COL23A1: variants seen among roughly 807,000 people sequenced by gnomAD.
COL23A1 encodes collagen alpha-1(XXIII) chain.
A neutral mutation model predicts 99.3 loss-of-function variants in COL23A1; 97 were observed. That is an observed-to-expected ratio of 0.98 (90% CI 0.83 to 1.16). The LOEUF is 1.16. Among genes scored for constraint, COL23A1 ranks in the 50% most tolerant of loss-of-function variants. The pLI is 0.00. For synonymous variants in COL23A1, 320 were observed against 308.2 expected (o/e 1.04, Z -0.40); for missense variants, 762 against 757.4 (o/e 1.01, Z -0.07).
intron 2 of COL23A1, among the ~76,000 whole-genome samples, chr5:178,475,171 C>T (rs769234095): frequency 6.6e-6 from 1 of 152,182 alleles, no homozygotes; most frequent in Non-Finnish European, 1.5e-5. Flanking sequence ...ACCTTGATTA[C>T]CTCTGCAAAG....
intron 2 of COL23A1, among the ~76,000 whole-genome samples, chr5:178,488,943 C>T (rs182754324): frequency 1.1e-4 from 16 of 152,362 alleles, no homozygotes; most frequent in South Asian, 4.1e-4. Flanking sequence ...AGCTCTCCAA[C>T]GGGTGCTTCA....
chr5:178,458,946 C>T (rs1357174662), intron 2 of COL23A1, among the ~76,000 whole-genome samples: 1 of 152,184 alleles, frequency 6.6e-6, no homozygotes, highest in African/African-American at 2.4e-5. Context: ...AATGACACCA[C>T]AGGAAGACAA....
At chr5:178,251,379 G>A (rs1765023351) in intron 17 of COL23A1, among the ~76,000 whole-genome samples, 1 of 151,858 alleles carries the variant, frequency 6.6e-6, no homozygotes, top group Admixed American at 6.6e-5. Flanking sequence ...CATTAAATAT[G>A]AAAAAAACTA....
chr5:178,242,122 G>A lies in COL23A1; in HGVS notation c.1501C>T (p.Arg501Ter), dbSNP rs748315009. 9.7e-6 allele frequency: 15 copies of A among 1,552,452 alleles called. No individual in the cohort carries two copies. The highest frequency in any genetic ancestry group is 3.6e-5 in the South Asian group (3 of 84,196). ...DRSERGEKGE[R>*]GVPGRKGVKG... ...ACTCCTTTCCGGCCGGGGACCCCTC[G>A]TTCTCCCTGTGCAGGAGGGGAGATG... Residue 501 changes from arginine (R) to a stop codon, truncating the protein, a stop_gained, in exon 27 of 29, where the codon CGA (arginine) becomes TGA (stop). Transcript: ENST00000390654. LOFTEE classifies it high-confidence loss of function.
chr5:178,306,539 T>G lies in COL23A1; in HGVS notation c.406+336A>C, dbSNP rs989613629. 2.4e-5 allele frequency among the ~76,000 whole-genome samples: 3 copies of G among 124,756 alleles called. No homozygotes were observed. The highest frequency in any genetic ancestry group is 3.1e-5 in the African/African-American group (1 of 31,950). The allele number at this position is 124,756 out of a possible 152,430, so 81.8% of individuals were successfully genotyped here. A position where few individuals can be genotyped will look rare whatever the true frequency, so the allele number is the denominator to read the frequency against. On this transcript the variant is annotated intron_variant, in intron 3 of 28. Transcript: ENST00000390654. This position sits in a 1 kb window ranked among gnomAD's most constrained non-coding sequence, Gnocchi z 4.1. ...GAACCCGGTTGTGCTGAAGGACCCA[T>G]GGGGGAGGGTGTGGCTGGCGGAGTC...
chr5:178,263,356 G>A lies in COL23A1; in HGVS notation c.523-32C>T, dbSNP rs1200076313. On this transcript the variant is annotated intron_variant, in intron 8 of 28. Transcript: ENST00000390654. ...GAGATGGGGCTTGGCATGACTCTGA[G>A]GGGGAGGGGGTCCAGCCTCCAGAGA... 4.4e-6 allele frequency: 6 copies of A among 1,362,954 alleles called. No homozygotes were observed. In the African/African-American group the frequency reaches 8.8e-5, roughly 20 times the overall value. 84.4% of individuals were successfully genotyped at this position (1,362,954 alleles called of 1,614,324 possible). A position where few individuals can be genotyped will look rare whatever the true frequency, so the allele number is the denominator to read the frequency against.
chr5:178,546,626 T>TTCA (rs1261677192), intron 2 of COL23A1, among the ~76,000 whole-genome samples: 11 of 152,076 alleles, frequency 7.2e-5, no homozygotes, highest in African/African-American at 2.7e-4. Flanking sequence ...GGACTGAGGG[T>TTCA]TCACGAGGGC....
rs577845091 is a variant in COL23A1 at position 178,404,716 on chromosome 5, C to T, written c.362-97797G>A. On this transcript the variant is annotated intron_variant, in intron 2 of 28. Transcript: ENST00000390654. ...TGATAACCAGACCCCTCATGTCCTCCGTCCCCTCAGAGATGCAGAGGCTCA... is the reference window on the plus strand; with the variant it reads ...TGATAACCAGACCCCTCATGTCCTCTGTCCCCTCAGAGATGCAGAGGCTCA... Among the ~76,000 whole-genome samples, 5 of 152,228 alleles carry T rather than the reference C, an allele frequency of 3.3e-5. No individual in the cohort carries two copies. In the East Asian group the frequency reaches 5.8e-4, roughly 18 times the overall value.
At chr5:178,504,689 C>A (rs1249932262) in intron 2 of COL23A1, among the ~76,000 whole-genome samples, 1 of 152,174 alleles carries the variant, frequency 6.6e-6, no homozygotes, top group Non-Finnish European at 1.5e-5. Flanking sequence ...AGAAGTCAGG[C>A]ATGTGTGAGG....
chr5:178,287,660 T>G (rs1757229714), intron 5 of COL23A1, among the ~76,000 whole-genome samples: 2 of 152,252 alleles, frequency 1.3e-5, no homozygotes, highest in African/African-American at 2.4e-5. Flanking sequence ...AGGCACAAAA[T>G]GAATCTGCCC....
At chr5:178,539,992 A>T (rs1180764611) in intron 2 of COL23A1, among the ~76,000 whole-genome samples, 3 of 152,260 alleles carry the variant, frequency 2.0e-5, no homozygotes, top group Non-Finnish European at 2.9e-5. Flanking sequence ...CTGTTTTGAC[A>T]GAAAAAAGGG....
chr5:178,469,704 G>A (rs1005887585), intron 2 of COL23A1, among the ~76,000 whole-genome samples: 3 of 152,054 alleles, frequency 2.0e-5, no homozygotes, highest in Admixed American at 6.6e-5. Context: ...GAGAGCCCCC[G>A]TCCTGTCTGC....
intron 2 of COL23A1, among the ~76,000 whole-genome samples, chr5:178,522,427 C>G (rs1375826435): frequency 6.6e-6 from 1 of 152,170 alleles, no homozygotes; most frequent in Non-Finnish European, 1.5e-5. Flanking sequence ...CTACCACACC[C>G]TAGGACCGGG....
At chr5:178,549,011 T>A (rs1042519419) in intron 2 of COL23A1, among the ~76,000 whole-genome samples, 3 of 152,232 alleles carry the variant, frequency 2.0e-5, no homozygotes, top group African/African-American at 7.2e-5. Context: ...CTTCTTTTTT[T>A]TTGAGATGGA....
At chr5:178,521,159 A>G (rs1759918463) in intron 2 of COL23A1, among the ~76,000 whole-genome samples, 1 of 152,254 alleles carries the variant, frequency 6.6e-6, no homozygotes, top group Non-Finnish European at 1.5e-5. Flanking sequence ...ACATATAAAT[A>G]TGGTATTATA....
intron 2 of COL23A1, among the ~76,000 whole-genome samples, chr5:178,317,168 G>C (rs1184593053): frequency 5.3e-5 from 8 of 152,126 alleles, no homozygotes; most frequent in Non-Finnish European, 8.8e-5. Context: ...TATTCTCTCT[G>C]CCTGCTTCCC....
Position 178,379,888 on chromosome 5 carries a change from A to C in COL23A1, c.362-72969T>G, listed in dbSNP as rs543909382. On this transcript the variant is annotated intron_variant, in intron 2 of 28. Coordinates refer to ENST00000390654, the MANE Select transcript of COL23A1 (RefSeq NM_173465.4). ...AAGAGCGAAACTCCATCTCAAAAAA[A>C]AAAAAAAGAAAAGAAAAAGAAAACA... Among the ~76,000 whole-genome samples, 9 of 152,156 alleles carry C rather than the reference A, an allele frequency of 5.9e-5. No individual in the cohort carries two copies. The East Asian group carries it at 1.7e-3, about 29-fold the overall frequency.
intron 1 of COL23A1, among the ~76,000 whole-genome samples, chr5:178,575,653 T>A (rs777741181): frequency 2.0e-5 from 3 of 152,130 alleles, no homozygotes; most frequent in Non-Finnish European, 4.4e-5. Flanking sequence ...GCAGGTCCTG[T>A]GCTCTTCCCA....
At chr5:178,531,807 C>T (rs1218644794) in intron 2 of COL23A1, among the ~76,000 whole-genome samples, 1 of 152,204 alleles carries the variant, frequency 6.6e-6, no homozygotes, top group Non-Finnish European at 1.5e-5. Flanking sequence ...TGCATCCTTG[C>T]CCATCCTCGG....
Sources: allele counts gnomAD v4.1 joint callset (sites outside exome capture counted in the v4.1 genomes callset), GRCh38; gene constraint gnomAD v4.1.1; non-coding constraint Gnocchi (gnomAD v3.1); transcripts MANE v1.5; gene names NCBI Gene and HGNC (gene_info 2026-07-23, HGNC 2026-07-21).